IGFL2: variants seen among roughly 807,000 people sequenced by gnomAD.
The protein encoded by IGFL2 is insulin growth factor-like family member 2.
IGFL2 carries 7 observed loss-of-function variants against 13.9 expected under a neutral mutation model. That is an observed-to-expected ratio of 0.51 (90% CI 0.29 to 0.95). The LOEUF (loss-of-function observed/expected upper bound fraction) is 0.95. Among genes scored for constraint, IGFL2 ranks in the 40% least tolerant of loss-of-function variants. The pLI, the probability that IGFL2 is intolerant of heterozygous loss-of-function variation, is 0.08. For synonymous variants in IGFL2, 55 were observed against 55.8 expected (o/e 0.99, Z 0.07); for missense variants, 138 against 147.8 (o/e 0.93, Z 0.34).
chr19:46,154,247 G>A (rs572202696), intron 1 of IGFL2, among the ~76,000 whole-genome samples: 4 of 152,232 alleles, frequency 2.6e-5, no homozygotes, highest in African/African-American at 9.6e-5. Flanking sequence ...ACTTGCATCT[G>A]TTAGACTCCT....
chr19:46,144,649 C>G (rs1973024049), upstream of IGFL2, among the ~76,000 whole-genome samples: 1 of 152,166 alleles, frequency 6.6e-6, no homozygotes, highest in African/African-American at 2.4e-5. Context: ...ATACAAAGGT[C>G]AGTTTCCACA....
At chr19:46,152,328 G>A (rs1032626205) in intron 1 of IGFL2, among the ~76,000 whole-genome samples, 4 of 149,452 alleles carry the variant, frequency 2.7e-5, no homozygotes, top group Admixed American at 6.7e-5. Context: ...GCAGGGTGGC[G>A]TGCAGTGGTG....
intron 1 of IGFL2, among the ~76,000 whole-genome samples, chr19:46,149,858 T>C (rs1293136413): frequency 6.6e-6 from 1 of 152,204 alleles, no homozygotes; most frequent in Non-Finnish European, 1.5e-5. Context: ...ATGTATTTGC[T>C]TGAGAACCTG....
At chr19:46,080,984 T>A in the IGFL2 span, among the ~76,000 whole-genome samples, 1 of 152,232 alleles carries the variant, frequency 6.6e-6, no homozygotes, top group Admixed American at 6.5e-5. Context: ...TTTACTGCCA[T>A]GCTCATCACG....
the IGFL2 span, among the ~76,000 whole-genome samples, chr19:46,131,925 C>T: frequency 1.3e-5 from 2 of 152,122 alleles, no homozygotes; most frequent in Non-Finnish European, 2.9e-5. Context: ...GGGAGCAGAG[C>T]GAGACTCCCT....
downstream of IGFL2, chr19:46,161,439 CTAT>C (rs1212995679): frequency 1.4e-5 from 3 of 217,122 alleles, no homozygotes; most frequent in Non-Finnish European, 2.7e-5. Context: ...TTTAAGTACA[CTAT>C]TATTGTGTGG....
At chr19:46,190,113 A>G in the IGFL2 span, 434 of 152,290 alleles carry the variant, frequency 2.8e-3, 4 homozygotes, top group African/African-American at 9.9e-3. Flanking sequence ...CGACCTCTAC[A>G]TTCAGTGTCA....
intron 1 of IGFL2, 56 bp downstream of exon 1, chr19:46,148,353 C>T: frequency 1.4e-6 from 2 of 1,408,748 alleles, no homozygotes; most frequent in East Asian, 2.5e-5. Flanking sequence ...CCTAATGTAC[C>T]TCTGAACCTC....
chr19:46,143,554 C>T (rs1972958551), upstream of IGFL2, among the ~76,000 whole-genome samples: 1 of 151,992 alleles, frequency 6.6e-6, no homozygotes, highest in Non-Finnish European at 1.5e-5. Flanking sequence ...GTGTGAGCCA[C>T]CAGGCCCAGC....
the IGFL2 span, among the ~76,000 whole-genome samples, chr19:46,089,725 T>C: frequency 6.6e-6 from 1 of 152,090 alleles, no homozygotes; most frequent in Non-Finnish European, 1.5e-5. Flanking sequence ...CTGGTGAGCA[T>C]ATTGAAACTC....
chr19:46,164,957 T>C (rs746478776), downstream of IGFL2, among the ~76,000 whole-genome samples: 5 of 152,208 alleles, frequency 3.3e-5, no homozygotes, highest in African/African-American at 1.2e-4. Flanking sequence ...ATTATAGATA[T>C]GGTGTAGGCC....
chr19:46,099,153 A>G, the IGFL2 span, among the ~76,000 whole-genome samples: 1 of 151,732 alleles, frequency 6.6e-6, no homozygotes, highest in African/African-American at 2.4e-5. Context: ...ATTGGCCTCC[A>G]CTCTCTTCTG....
chr19:46,167,682 T>C, the IGFL2 span, among the ~76,000 whole-genome samples: 2 of 152,214 alleles, frequency 1.3e-5, no homozygotes, highest in African/African-American at 4.8e-5. Flanking sequence ...TGAAACCCAC[T>C]GTAGCTGTAA....
At chr19:46,163,553 G>C (rs1391902938), downstream of IGFL2, among the ~76,000 whole-genome samples, 1 of 152,182 alleles carries the variant, frequency 6.6e-6, no homozygotes, top group Non-Finnish European at 1.5e-5. Flanking sequence ...CTTGTTGGAG[G>C]TGTGAATAAA....
intron 1 of IGFL2, chr19:46,159,243 A>G (rs1052278964): frequency 1.3e-5 from 2 of 152,210 alleles, no homozygotes; most frequent in Non-Finnish European, 2.9e-5. Flanking sequence ...TTGGGGCATC[A>G]TCTTTTGAAA....
chr19:46,141,080 G>C (rs1164075350), upstream of IGFL2, among the ~76,000 whole-genome samples: 1 of 152,150 alleles, frequency 6.6e-6, no homozygotes, highest in African/African-American at 2.4e-5. Flanking sequence ...CCTGGAGGAA[G>C]AGAGTATTAT....
chr19:46,107,602 G>A, the IGFL2 span, among the ~76,000 whole-genome samples: 1 of 152,206 alleles, frequency 6.6e-6, no homozygotes. Flanking sequence ...TGTGGGTGGG[G>A]TTTCTCTCAC....
chr19:46,084,155 T>C, the IGFL2 span, among the ~76,000 whole-genome samples: 1 of 152,248 alleles, frequency 6.6e-6, no homozygotes, highest in African/African-American at 2.4e-5. Flanking sequence ...TTAGAAAAGA[T>C]ACTTGATATG....
chr19:46,157,029 A>G (rs1973863386), intron 1 of IGFL2, among the ~76,000 whole-genome samples: 1 of 152,128 alleles, frequency 6.6e-6, no homozygotes, highest in Non-Finnish European at 1.5e-5. Flanking sequence ...ACTTAGATGA[A>G]ATGGACCACC....
Sources: gnomAD v4.1 joint callset for allele counts (sites outside exome capture counted in the v4.1 genomes callset) on GRCh38, gnomAD v4.1.1 for gene constraint, MANE v1.5 for transcripts, NCBI Gene and HGNC (gene_info 2026-07-23, HGNC 2026-07-21) for gene names.